The following CAMK2D variants were observed in gnomAD, a reference collection of about 807,000 sequenced individuals.
CAMK2D encodes calcium/calmodulin-dependent protein kinase type II subunit delta.
A neutral mutation model predicts 84.0 loss-of-function variants in CAMK2D; 37 were observed. The observed-to-expected ratio is 0.44, with a 90% CI of 0.34 to 0.58. CAMK2D has a LOEUF of 0.58. Ranked by LOEUF, CAMK2D falls within the 20% of genes least tolerant of loss-of-function variation. The probability of loss-of-function intolerance (pLI) is 0.02; values close to 1 mark genes in which losing one functional copy is unlikely to be tolerated. For synonymous variants in CAMK2D, 202 were observed against 212.5 expected, an observed-to-expected ratio of 0.95 and a Z score of 0.43; for missense variants, 448 against 652.5, an observed-to-expected ratio of 0.69 and a Z score of 3.41.
intron 2 of CAMK2D, among the ~76,000 whole-genome samples, chr4:113,747,967 TC>T (rs2099608417): frequency 1.3e-5 from 2 of 152,162 alleles, no homozygotes; most frequent in Non-Finnish European, 2.9e-5. Context: ...ATTGGTACGT[TC>T]CAATATTCTG....
chr4:113,507,509 TC>T (rs1560579174), intron 13 of CAMK2D, among the ~76,000 whole-genome samples: 1 of 152,100 alleles, frequency 6.6e-6, no homozygotes, highest in African/African-American at 2.4e-5. Context: ...TCTCAGGTGA[TC>T]CGTCTGTCTC....
intron 4 of CAMK2D, among the ~76,000 whole-genome samples, chr4:113,567,549 TA>T (rs1437067525): frequency 3.3e-5 from 5 of 152,234 alleles, no homozygotes; most frequent in Non-Finnish European, 7.3e-5. Context: ...TTTACATTTC[TA>T]AGCTTTATAA....
At chr4:113,550,905 A>C (rs555741387) in intron 5 of CAMK2D, among the ~76,000 whole-genome samples, 6 of 152,222 alleles carry the variant, frequency 3.9e-5, no homozygotes, top group Admixed American at 3.9e-4. Context: ...AAAGTGCCAT[A>C]AACAGTGCAT....
At chr4:113,622,199 C>G (rs919516274) in intron 3 of CAMK2D, among the ~76,000 whole-genome samples, 2 of 152,192 alleles carry the variant, frequency 1.3e-5, no homozygotes, top group African/African-American at 4.8e-5. Flanking sequence ...TTATATCACA[C>G]TTGACTAGTT....
rs1398360773 is a variant in CAMK2D, at chr4:113,531,218, C to T, written c.599G>A (p.Cys200Tyr). The T allele has an allele frequency of 1.3e-6, 2 of 1,540,526 alleles. No individual in the cohort carries two copies. The highest frequency in any genetic ancestry group is 1.8e-6 in the Non-Finnish European group (2 of 1,112,902). ...TGCTTCAAAATATAATTGCTTACCACATGCCCACATATCCACTGGCTTTCC... is the reference window on the plus strand; with the variant it reads ...TGCTTCAAAATATAATTGCTTACCATATGCCCACATATCCACTGGCTTTCC... ...PYGKPVDMWA[C>Y]GVILYILLVG... Residue 200 changes from cysteine (C) to tyrosine (Y), a missense_variant and splice_region_variant, in exon 8 of 21, where the codon TGT (cysteine) becomes TAT (tyrosine). Around this residue, in one of 7 missense-constraint regions of CAMK2D, gnomAD observed 69 missense variants for 175.6 expected, o/e 0.39. Coordinates refer to ENST00000511664, the MANE Select transcript of CAMK2D (RefSeq NM_001321571.2).
chr4:113,513,494 T>C (rs1480371034), intron 11 of CAMK2D, 124 bp from the exon 12 acceptor site: 8 of 735,334 alleles, frequency 1.1e-5, no homozygotes, highest in Admixed American at 2.4e-5. Flanking sequence ...TTTTTTATTG[T>C]TTGTTTTTGT....
intron 4 of CAMK2D, among the ~76,000 whole-genome samples, chr4:113,572,534 C>G (rs2098758385): frequency 6.6e-6 from 1 of 151,456 alleles, no homozygotes; most frequent in Admixed American, 6.6e-5. Flanking sequence ...TGAAAAAAAG[C>G]TCAATATCAC....
chr4:113,615,318 T>TC (rs1306555003), intron 3 of CAMK2D, among the ~76,000 whole-genome samples: 1 of 152,042 alleles, frequency 6.6e-6, no homozygotes, highest in African/African-American at 2.4e-5. Context: ...TACACTTTTT[T>TC]CAATATTACA....
chr4:113,688,946 C>CA (rs2099370993), intron 2 of CAMK2D, among the ~76,000 whole-genome samples: 1 of 114,988 alleles, frequency 8.7e-6, no homozygotes, highest in Non-Finnish European at 1.9e-5. Flanking sequence ...AAAGAGCACA[C>CA]TAAAAAAAAA....
At chr4:113,619,181 G>C (rs1368857474) in intron 3 of CAMK2D, among the ~76,000 whole-genome samples, 1 of 151,022 alleles carries the variant, frequency 6.6e-6, no homozygotes, top group Non-Finnish European at 1.5e-5. Context: ...AATCTAATCT[G>C]AAAGCAAATC....
At chr4:113,707,702 C>T (rs2099465429) in intron 2 of CAMK2D, among the ~76,000 whole-genome samples, 2 of 152,224 alleles carry the variant, frequency 1.3e-5, no homozygotes, top group African/African-American at 4.8e-5. Flanking sequence ...TGAACACAGT[C>T]AATTACTCCA....
At chr4:113,534,320 C>T (rs2098476048) in intron 7 of CAMK2D, among the ~76,000 whole-genome samples, 1 of 152,066 alleles carries the variant, frequency 6.6e-6, no homozygotes, top group African/African-American at 2.4e-5. Context: ...TGAAGATTCG[C>T]TTGAACTTGA....
rs148453067 is a variant in CAMK2D, at chr4:113,749,945, A to G, written c.160+9375T>C. Among the ~76,000 whole-genome samples, 330 of 152,356 alleles carry G rather than the reference A, an allele frequency of 2.2e-3. 4 individuals are homozygous for G. The highest frequency in any genetic ancestry group is 6.8e-3 in the Middle Eastern group (2 of 294). ...TTGCCAGTCATAAGTTTCTCTTTGAAGCATGTCTATTTCAAGATACAGAAT... is the reference window on the plus strand; with the variant it reads ...TTGCCAGTCATAAGTTTCTCTTTGAGGCATGTCTATTTCAAGATACAGAAT... On this transcript the variant is annotated intron_variant, in intron 2 of 20. Coordinates refer to ENST00000511664, the MANE Select transcript of CAMK2D (RefSeq NM_001321571.2).
At chr4:113,558,421 T>C (rs1382827745) in intron 4 of CAMK2D, among the ~76,000 whole-genome samples, 1 of 152,244 alleles carries the variant, frequency 6.6e-6, no homozygotes, top group African/African-American at 2.4e-5. Flanking sequence ...AAATTATATA[T>C]GCAGTTGGCC....
intron 16 of CAMK2D, among the ~76,000 whole-genome samples, chr4:113,499,363 A>G (rs1379353466): frequency 6.6e-6 from 1 of 152,182 alleles, no homozygotes; most frequent in Non-Finnish European, 1.5e-5. Flanking sequence ...ATATAAATAG[A>G]GAGTACACTT....
At chr4:113,525,766 T>C (rs1029237128) in intron 8 of CAMK2D, among the ~76,000 whole-genome samples, 3 of 152,236 alleles carry the variant, frequency 2.0e-5, no homozygotes, top group African/African-American at 7.2e-5. Context: ...TTCTGCTAAA[T>C]GGCTTGTTTT....
chr4:113,714,820 G>C (rs1367679319), intron 2 of CAMK2D, among the ~76,000 whole-genome samples: 1 of 152,110 alleles, frequency 6.6e-6, no homozygotes, highest in Non-Finnish European at 1.5e-5. Flanking sequence ...AAATGTGTAT[G>C]TTTTTCTCCT....
chr4:113,743,416 C>A (rs990979233), intron 2 of CAMK2D, among the ~76,000 whole-genome samples: 1 of 152,164 alleles, frequency 6.6e-6, no homozygotes, highest in African/African-American at 2.4e-5. Flanking sequence ...AAGGCCTGTA[C>A]CTGCTAATGA....
At chr4:113,711,247 T>C (rs2099491560) in intron 2 of CAMK2D, among the ~76,000 whole-genome samples, 1 of 151,452 alleles carries the variant, frequency 6.6e-6, no homozygotes, top group South Asian at 2.1e-4. Context: ...GTTGAAAATA[T>C]ATTAGCCTAT....
Sources: allele counts gnomAD v4.1 joint callset (sites outside exome capture counted in the v4.1 genomes callset), GRCh38; gene constraint gnomAD v4.1.1; regional missense constraint gnomAD v4.1.1; transcripts MANE v1.5; gene names NCBI Gene and HGNC (gene_info 2026-07-23, HGNC 2026-07-21).